Variants in ROBO2 observed in about 807,000 individuals in gnomAD.
ROBO2 encodes the protein roundabout homolog 2.
In ROBO2, 53 loss-of-function variants were observed where a neutral mutation model predicts 160.8. The ratio of observed to expected loss-of-function variants is 0.33; its 90% confidence interval spans 0.26 to 0.41. The LOEUF (loss-of-function observed/expected upper bound fraction) is 0.41, where lower values mean the gene tolerates loss of function less well. Among genes scored for constraint, ROBO2 ranks in the 10% least tolerant of loss-of-function variants. The pLI is 1.00. For missense variants in ROBO2, 1,577 were observed against 1,722.4 expected (o/e 0.92, Z 1.49); for synonymous variants, 664 against 611.7 (o/e 1.09, Z -1.26).
rs762176932 is a variant in ROBO2 at position 77,602,242 on chromosome 3, A to G, written c.2887A>G (p.Lys963Glu). Residue 963 changes from lysine (K) to glutamate (E), a missense_variant, in exon 20 of 26, where the codon AAA becomes GAA. This residue lies in a region of ROBO2 where 637 missense variants were observed against 586.9 expected (regional missense o/e 1.09). Transcript: ENST00000461745. ...GCCACCAGTTCCAGGCCAAGGGGAT[A>G]AAACAGCAACGATGCTCTCAGATGG... 3.8e-5 allele frequency: 61 copies of G among 1,614,076 alleles called. No individual in the cohort carries two copies. The highest frequency in any genetic ancestry group is 4.6e-5 in the Non-Finnish European group (54 of 1,180,034).
intron 2 of ROBO2, among the ~76,000 whole-genome samples, chr3:76,371,785 G>A (rs541061034): frequency 1.4e-4 from 22 of 151,928 alleles, no homozygotes; most frequent in Non-Finnish European, 2.8e-4. Context: ...AACCAGAATG[G>A]TTACTATAAT....
At chr3:76,690,548 A>C (rs1368258052) in intron 2 of ROBO2, among the ~76,000 whole-genome samples, 1 of 152,138 alleles carries the variant, frequency 6.6e-6, no homozygotes, top group African/African-American at 2.4e-5. Flanking sequence ...CAGAACTGTA[A>C]GAAATAAATT....
intron 2 of ROBO2, among the ~76,000 whole-genome samples, chr3:77,254,466 A>C (rs907272164): frequency 6.6e-6 from 1 of 151,538 alleles, no homozygotes; most frequent in African/African-American, 2.4e-5. Flanking sequence ...TTTTTGAGAG[A>C]ATGATGATTT....
At chr3:76,610,825 G>A (rs72886414) in intron 2 of ROBO2, among the ~76,000 whole-genome samples, 3,299 of 152,270 alleles carry the variant, frequency 0.022, 115 homozygotes, top group African/African-American at 0.075. Context: ...CAGCGAGCAG[G>A]AGCACGTTAC....
At chr3:76,056,602 T>C (rs1321647344) in intron 2 of ROBO2, among the ~76,000 whole-genome samples, 2 of 152,180 alleles carry the variant, frequency 1.3e-5, no homozygotes, top group African/African-American at 4.8e-5. Context: ...AAAAGGTTCT[T>C]ACATGTATCA....
At chr3:77,301,774 G>C (rs1020051469) in intron 2 of ROBO2, among the ~76,000 whole-genome samples, 27 of 152,004 alleles carry the variant, frequency 1.8e-4, no homozygotes, top group African/African-American at 6.5e-4. Flanking sequence ...CTAAATTCAC[G>C]GTGTAGTGGT....
intron 2 of ROBO2, among the ~76,000 whole-genome samples, chr3:77,194,067 T>C (rs1474060818): frequency 6.6e-6 from 1 of 152,232 alleles, no homozygotes; most frequent in Non-Finnish European, 1.5e-5. Context: ...AGATGACAGT[T>C]GATGACAGAC....
intron 2 of ROBO2, among the ~76,000 whole-genome samples, chr3:76,504,297 G>A (rs1416560529): frequency 6.6e-6 from 1 of 152,136 alleles, no homozygotes; most frequent in Non-Finnish European, 1.5e-5. Flanking sequence ...AACACTCACT[G>A]TGACTTGATA....
At chr3:76,298,458 G>A (rs1709194326) in intron 2 of ROBO2, among the ~76,000 whole-genome samples, 1 of 152,100 alleles carries the variant, frequency 6.6e-6, no homozygotes, top group African/African-American at 2.4e-5. Flanking sequence ...TCAGGATGAG[G>A]GAGGTTGTTT....
In ROBO2 at chr3:76,013,457, G is replaced by T. The variant is rs1352129306; in HGVS notation, c.109+75855G>T. ...ATGTATAAAGGCATTTGGAGGCTGG[G>T]CACTGTGGCTTATGCATGTAATCCC... On this transcript the variant is annotated intron_variant, in intron 2 of 26. Coordinates refer to the ROBO2 transcript ENST00000487694. Among the ~76,000 whole-genome samples, 3 of 150,526 alleles carry T rather than the reference G, an allele frequency of 2.0e-5. No homozygotes were observed. The East Asian group carries it at 6.3e-4, about 32-fold the overall frequency.
intron 2 of ROBO2, among the ~76,000 whole-genome samples, chr3:76,956,556 CAA>C (rs11369735): frequency 2.0e-4 from 21 of 106,200 alleles, no homozygotes; most frequent in Admixed American, 1.0e-4. Context: ...GACTCTGTCT[CAA>C]AAAAAAAAAA....
At chr3:76,157,320 G>A (rs1321735841) in intron 2 of ROBO2, among the ~76,000 whole-genome samples, 2 of 151,886 alleles carry the variant, frequency 1.3e-5, no homozygotes, top group African/African-American at 4.8e-5. Context: ...TTGGGGTGGG[G>A]GCACCTAAGA....
intron 2 of ROBO2, among the ~76,000 whole-genome samples, chr3:77,414,373 G>A (rs2077042128): frequency 6.6e-6 from 1 of 152,210 alleles, no homozygotes; most frequent in Admixed American, 6.5e-5. Flanking sequence ...GGAGATAGCA[G>A]GTAATGATAC....
chr3:76,821,739 T>C lies in ROBO2; in HGVS notation c.110-276275T>C, dbSNP rs377544398. The stretch of plus-strand genomic sequence containing the variant: ...ATGATTCCAGAATTATCATAAAATA[T>C]CAGTGGCATCTGCAGGCAGAGGGGC... On this transcript the variant is annotated intron_variant, in intron 2 of 26. Transcript: ENST00000487694. Among the ~76,000 whole-genome samples the C allele has an allele frequency of 1.5e-4, 23 of 152,100 alleles. No homozygotes were observed. The East Asian group carries it at 1.5e-3, about 10-fold the overall frequency.
intron 23 of ROBO2, among the ~76,000 whole-genome samples, chr3:77,623,780 G>A (rs1271331500): frequency 1.3e-5 from 2 of 152,088 alleles, no homozygotes; most frequent in Non-Finnish European, 2.9e-5. Context: ...GCATATTTTT[G>A]CATATTTCAC....
intron 2 of ROBO2, among the ~76,000 whole-genome samples, chr3:76,146,784 C>A (rs559255451): frequency 2.3e-5 from 2 of 87,766 alleles, no homozygotes; most frequent in South Asian, 1.1e-3. Flanking sequence ...ATCATTACCA[C>A]AGACACCCAC....
intron 2 of ROBO2, among the ~76,000 whole-genome samples, chr3:76,585,759 TGATGTCCA>T: frequency 6.6e-6 from 1 of 152,334 alleles, no homozygotes; most frequent in East Asian, 1.9e-4. Flanking sequence ...TTGTTAGTGG[TGATGTCCA>T]CATGAGCTTA....
rs143051315 is a variant in ROBO2, at chr3:76,203,257, A to T, written c.109+265655A>T. On this transcript the variant is annotated intron_variant, in intron 2 of 26. Transcript: ENST00000487694. ...GCCTTCCAGTTGGTTTGGCCAATGGAAAGCCACAAAAAACTCAGAAGGAGG... is the reference window on the plus strand; with the variant it reads ...GCCTTCCAGTTGGTTTGGCCAATGGTAAGCCACAAAAAACTCAGAAGGAGG... 5.6e-3 allele frequency among the ~76,000 whole-genome samples: 856 copies of T among 152,334 alleles called. 7 individuals carry two copies. Among genetic ancestry groups the T allele is most frequent in the Non-Finnish European group, 7.1e-3 (483 of 68,034 alleles).
At chr3:77,330,873 G>A (rs889681264) in intron 2 of ROBO2, among the ~76,000 whole-genome samples, 2 of 152,046 alleles carry the variant, frequency 1.3e-5, no homozygotes, top group Non-Finnish European at 2.9e-5. Flanking sequence ...TTTTTTAAGG[G>A]TTAGCAATTC....
Sources: allele counts gnomAD v4.1 joint callset (sites outside exome capture counted in the v4.1 genomes callset), GRCh38; gene constraint gnomAD v4.1.1; regional missense constraint gnomAD v4.1.1; transcripts MANE v1.5; gene names NCBI Gene and HGNC (gene_info 2026-07-23, HGNC 2026-07-21).